RGS6: variants seen among roughly 807,000 people sequenced by gnomAD.
RGS6 encodes the protein regulator of G-protein signaling 6.
In RGS6, 30 loss-of-function variants were observed where a neutral mutation model predicts 78.5. That is an observed-to-expected ratio of 0.38 (90% CI 0.29 to 0.52). The LOEUF (loss-of-function observed/expected upper bound fraction) is 0.52, where lower values mean the gene tolerates loss of function less well. Ranked by LOEUF, RGS6 falls within the 20% of genes least tolerant of loss-of-function variation. The probability of loss-of-function intolerance (pLI) is 0.85; values close to 1 mark genes in which losing one functional copy is unlikely to be tolerated. For missense variants in RGS6, 495 were observed against 609.7 expected (o/e 0.81, Z 1.98); for synonymous variants, 206 against 206.0 (o/e 1.00, Z 0.00).
chr14:72,198,364 TAAC>T (rs1196550846), intron 2 of RGS6, among the ~76,000 whole-genome samples: 8 of 152,174 alleles, frequency 5.3e-5, no homozygotes, highest in African/African-American at 1.9e-4. Flanking sequence ...AATAAAAAAT[TAAC>T]AAATCTCCAA....
At chr14:72,204,439 G>T (rs2042271467) in intron 2 of RGS6, among the ~76,000 whole-genome samples, 1 of 152,196 alleles carries the variant, frequency 6.6e-6, no homozygotes. Context: ...CCTTAGGCAG[G>T]TAGTAACCTG....
At chr14:71,897,554 T>G in the RGS6 span, among the ~76,000 whole-genome samples, 356 of 152,292 alleles carry the variant, frequency 2.3e-3, no homozygotes, top group African/African-American at 8.3e-3. Context: ...GGAGTCTTGC[T>G]CTGTCACCCA....
At chr14:71,996,252 T>G (rs2095202497) in intron 2 of RGS6, among the ~76,000 whole-genome samples, 1 of 151,778 alleles carries the variant, frequency 6.6e-6, no homozygotes, top group African/African-American at 2.4e-5. Context: ...ATTGGGCCAC[T>G]CCTAAGCAGT....
In RGS6 at chr14:72,234,176, G is replaced by A. The variant is rs538070803; in HGVS notation, c.85-117919G>A. 5.9e-5 allele frequency among the ~76,000 whole-genome samples: 9 copies of A among 151,942 alleles called. No individual in the cohort carries two copies. In the East Asian group the frequency reaches 1.8e-3, roughly 30 times the overall value. On this transcript the variant is annotated intron_variant, in intron 2 of 17. Transcript: ENST00000553525. ...TTAATTTTCCGAATCATTCCGTTTT[G>A]CTTGTTGAGGAAGGCAAGCAGTTAA...
intron 17 of RGS6, among the ~76,000 whole-genome samples, chr14:72,559,043 C>T (rs1030970993): frequency 3.9e-5 from 6 of 152,194 alleles, no homozygotes; most frequent in Non-Finnish European, 7.3e-5. Context: ...AAAAAACCTG[C>T]TTCCTCTGTA....
the RGS6 span, among the ~76,000 whole-genome samples, chr14:72,621,225 C>G: frequency 6.6e-6 from 1 of 152,100 alleles, no homozygotes; most frequent in Non-Finnish European, 1.5e-5. Context: ...CCCTTTATCC[C>G]CTTTATGGAC....
At chr14:72,229,504 A>G (rs1164890649) in intron 2 of RGS6, among the ~76,000 whole-genome samples, 1 of 152,150 alleles carries the variant, frequency 6.6e-6, no homozygotes, top group Non-Finnish European at 1.5e-5. Flanking sequence ...CCCCAGCTTC[A>G]GCAGTGCTCT....
intron 3 of RGS6, among the ~76,000 whole-genome samples, chr14:72,412,822 T>C (rs900957994): frequency 6.6e-6 from 1 of 152,226 alleles, no homozygotes; most frequent in Non-Finnish European, 1.5e-5. Flanking sequence ...CATTTTGTTA[T>C]GTACCCAGTA....
the RGS6 span, among the ~76,000 whole-genome samples, chr14:71,901,203 G>C: frequency 2.0e-5 from 3 of 152,190 alleles, no homozygotes; most frequent in African/African-American, 7.2e-5. Context: ...TGGTCCATAG[G>C]TTTCTAAACT....
the RGS6 span, among the ~76,000 whole-genome samples, chr14:72,591,652 G>A: frequency 1.3e-5 from 2 of 152,188 alleles, no homozygotes; most frequent in Non-Finnish European, 2.9e-5. Context: ...TTTACCTGGT[G>A]CCTACTGTGT....
chr14:72,351,094 G>A (rs561737711), intron 2 of RGS6, among the ~76,000 whole-genome samples: 153 of 152,162 alleles, frequency 1.0e-3, no homozygotes, highest in Non-Finnish European at 1.8e-3. Flanking sequence ...CTAATTTCTA[G>A]CCTTATGATG....
the RGS6 span, among the ~76,000 whole-genome samples, chr14:71,911,862 C>G: frequency 6.6e-6 from 1 of 152,112 alleles, no homozygotes. Context: ...CTGAACAGGT[C>G]GGCTAAGCAT....
the RGS6 span, among the ~76,000 whole-genome samples, chr14:71,889,499 G>T: frequency 6.6e-6 from 1 of 152,120 alleles, no homozygotes; most frequent in Non-Finnish European, 1.5e-5. Context: ...CTGGAGGGTG[G>T]AGAAGGGGAG....
intron 2 of RGS6, among the ~76,000 whole-genome samples, chr14:72,099,411 G>A (rs760253872): frequency 2.0e-5 from 3 of 151,998 alleles, no homozygotes; most frequent in African/African-American, 4.8e-5. Flanking sequence ...TGCCTGCCTC[G>A]GCCTCCCAAA....
chr14:71,944,053 G>T (rs2091077909), intron 1 of RGS6, among the ~76,000 whole-genome samples: 1 of 152,082 alleles, frequency 6.6e-6, no homozygotes, highest in African/African-American at 2.4e-5. Flanking sequence ...CTATTCCATT[G>T]GGCTTTGGTC....
At chr14:72,307,401 T>C (rs945561113) in intron 2 of RGS6, among the ~76,000 whole-genome samples, 2 of 152,222 alleles carry the variant, frequency 1.3e-5, no homozygotes, top group Admixed American at 1.3e-4. Flanking sequence ...CCTGATGTTA[T>C]TGTCAAGATT....
At chr14:72,459,921 T>G (rs2095735151) in intron 6 of RGS6, among the ~76,000 whole-genome samples, 1 of 152,158 alleles carries the variant, frequency 6.6e-6, no homozygotes. Context: ...AAGAAAAATC[T>G]TATCAAGGGT....
chr14:71,952,730 G>A (rs549594344), intron 1 of RGS6, among the ~76,000 whole-genome samples: 46 of 152,106 alleles, frequency 3.0e-4, no homozygotes, highest in African/African-American at 2.4e-5. Flanking sequence ...ACAAATGGAG[G>A]CATTATGGAG....
chr14:72,087,008 A>T (rs1205290359), intron 2 of RGS6, among the ~76,000 whole-genome samples: 1 of 152,202 alleles, frequency 6.6e-6, no homozygotes. Flanking sequence ...AGTGTTTATT[A>T]CTATGTGTTC....
Sources: gnomAD v4.1 joint callset for allele counts (sites outside exome capture counted in the v4.1 genomes callset) on GRCh38, gnomAD v4.1.1 for gene constraint, MANE v1.5 for transcripts, NCBI Gene and HGNC (gene_info 2026-07-23, HGNC 2026-07-21) for gene names.